Variants in DSCAML1 observed in about 807,000 individuals in gnomAD.
DSCAML1 encodes the protein DS cell adhesion molecule like 1, also known as cell adhesion molecule DSCAML1.
DSCAML1 carries 38 observed loss-of-function variants against 200.5 expected under a neutral mutation model. The ratio of observed to expected loss-of-function variants is 0.19; its 90% CI spans 0.15 to 0.25. The LOEUF (loss-of-function observed/expected upper bound fraction) is 0.25. Ranked by LOEUF, DSCAML1 falls within the 10% of genes least tolerant of loss-of-function variation. The pLI is 1.00. For synonymous variants in DSCAML1, 1,215 were observed against 1,165.0 expected (o/e 1.04, Z -0.87); for missense variants, 2,223 against 2,858.8 (o/e 0.78, Z 5.07).
chr11:117,798,739 C>T (rs764555598), upstream of DSCAML1, among the ~76,000 whole-genome samples: 1 of 152,092 alleles, frequency 6.6e-6, no homozygotes, highest in Non-Finnish European at 1.5e-5. Context: ...TTACTTCACT[C>T]AGCATAATGT....
intron 19 of DSCAML1, among the ~76,000 whole-genome samples, chr11:117,456,567 A>G (rs892707852): frequency 1.3e-5 from 2 of 151,958 alleles, no homozygotes; most frequent in Admixed American, 1.3e-4. Context: ...AGGTTAAGTC[A>G]TATTATGACT....
intron 3 of DSCAML1, among the ~76,000 whole-genome samples, chr11:117,752,058 C>G (rs1009403793): frequency 6.7e-6 from 1 of 149,378 alleles, no homozygotes; most frequent in Non-Finnish European, 1.5e-5. Context: ...GTGTGTGTGT[C>G]ACTTCAATGT....
At chr11:117,796,830 G>T (rs903513214) in intron 1 of DSCAML1, among the ~76,000 whole-genome samples, 5 of 152,120 alleles carry the variant, frequency 3.3e-5, no homozygotes, top group Non-Finnish European at 5.9e-5. Context: ...CGGCAGACGC[G>T]GGTGGCTGGC....
chr11:117,449,558 G>A (rs982059951), intron 20 of DSCAML1, among the ~76,000 whole-genome samples: 5 of 152,180 alleles, frequency 3.3e-5, no homozygotes, highest in African/African-American at 1.2e-4. Context: ...AAGCTTATCT[G>A]CAGATCTCAG....
chr11:117,535,332 C>T (rs532987340), intron 3 of DSCAML1, among the ~76,000 whole-genome samples: 5 of 152,354 alleles, frequency 3.3e-5, no homozygotes, highest in African/African-American at 1.2e-4. Context: ...CCATTGATCC[C>T]GGTTGAGCTA....
intron 3 of DSCAML1, among the ~76,000 whole-genome samples, chr11:117,711,689 CT>C (rs1201674664): frequency 6.6e-6 from 1 of 152,158 alleles, no homozygotes; most frequent in East Asian, 1.9e-4. Context: ...TCTGCCGGTC[CT>C]TTTTTTTCCT....
Position 117,639,419 on chromosome 11 carries a change from A to G in DSCAML1, c.512-106897T>C, listed in dbSNP as rs189303422. Among the ~76,000 whole-genome samples, 340 of 73,150 alleles carry G rather than the reference A, an allele frequency of 4.6e-3. 1 individual carries two copies. The highest frequency in any genetic ancestry group is 0.017 in the African/African-American group (307 of 18,262). The allele number at this position is 73,150 out of a possible 152,430, so 48.0% of individuals were successfully genotyped here. A position where few individuals can be genotyped will look rare whatever the true frequency, so the allele number is the denominator to read the frequency against. ...GGGAGGCTGGATGGGTAGGAGGCTG[A>G]ATGGATGGGAAGCTGGATGGGTGGG... On this transcript the variant is annotated intron_variant, in intron 3 of 32. Coordinates refer to ENST00000651296, the MANE Select transcript of DSCAML1 (RefSeq NM_020693.4).
intron 1 of DSCAML1, among the ~76,000 whole-genome samples, chr11:117,794,164 G>C (rs2134075286): frequency 6.6e-6 from 1 of 152,194 alleles, no homozygotes; most frequent in East Asian, 1.9e-4. Flanking sequence ...GTTGGGGTGG[G>C]AAATGAAAAA....
intron 21 of DSCAML1, among the ~76,000 whole-genome samples, chr11:117,443,364 A>G (rs1292730639): frequency 1.3e-5 from 2 of 152,224 alleles, no homozygotes; most frequent in Non-Finnish European, 2.9e-5. Context: ...GGCACTCCCT[A>G]AGAGGGTCTG....
intron 3 of DSCAML1, among the ~76,000 whole-genome samples, chr11:117,583,002 T>TATTATTATTATTATC (rs2051071311): frequency 6.7e-6 from 1 of 149,542 alleles, no homozygotes; most frequent in Non-Finnish European, 1.5e-5. Context: ...ATATTATTAT[T>TATTATTATTATTATC]ATTATTATTA....
At chr11:117,441,533 C>T (rs2048049092) in intron 21 of DSCAML1, among the ~76,000 whole-genome samples, 1 of 152,046 alleles carries the variant, frequency 6.6e-6, no homozygotes. Flanking sequence ...TGCGGGGCCA[C>T]AGGTGCCCAG....
At chr11:117,471,008 A>G (rs1004791560) in intron 15 of DSCAML1, among the ~76,000 whole-genome samples, 2 of 152,222 alleles carry the variant, frequency 1.3e-5, no homozygotes, top group African/African-American at 4.8e-5. Flanking sequence ...TATCACAAAA[A>G]TCAGGATATT....
chr11:117,479,678 T>C (rs777673489), intron 14 of DSCAML1, among the ~76,000 whole-genome samples: 8 of 152,026 alleles, frequency 5.3e-5, no homozygotes, highest in African/African-American at 9.7e-5. Flanking sequence ...AGACAGAGTC[T>C]CACTCTGTTG....
Position 117,521,227 on chromosome 11 carries a change from G to A in DSCAML1, c.1116C>T (p.Leu372=), listed in dbSNP as rs375008754. The A allele has an allele frequency of 2.5e-5, 40 of 1,614,082 alleles. No homozygotes were observed. Among genetic ancestry groups the A allele is most frequent in the Non-Finnish European group, 3.2e-5 (38 of 1,180,052 alleles). The stretch of plus-strand genomic sequence containing the variant: ...AATGGCTCTTCTGGGCCGAGGTGAT[G>A]AGCAGCGTCTCGTTGCTGAGCCCGC... The part of the protein sequence containing the change: ...SIRGLSNETL[L]ITSAQKSHSG... The change falls in exon 6 of 33, where the codon CTC becomes CTT. Residue 372 remains leucine (L), a synonymous_variant. Coordinates refer to ENST00000651296, the MANE Select transcript of DSCAML1 (RefSeq NM_020693.4).
chr11:117,600,200 C>T (rs2051438186), intron 3 of DSCAML1, among the ~76,000 whole-genome samples: 1 of 152,228 alleles, frequency 6.6e-6, no homozygotes, highest in Admixed American at 6.5e-5. Context: ...CTCACATCTT[C>T]CGTTGCCGGC....
intron 1 of DSCAML1, among the ~76,000 whole-genome samples, chr11:117,793,328 A>T (rs1041574670): frequency 6.6e-6 from 1 of 152,198 alleles, no homozygotes; most frequent in Admixed American, 6.5e-5. Context: ...GAGGTCCCCC[A>T]GAAAACAACT....
At chr11:117,476,783 G>T (rs2048801983) in intron 14 of DSCAML1, among the ~76,000 whole-genome samples, 1 of 152,338 alleles carries the variant, frequency 6.6e-6, no homozygotes, top group South Asian at 2.1e-4. Flanking sequence ...AGAAAGGGCA[G>T]ACTCAGTAAT....
chr11:117,769,125 ATT>A (rs1446859014), intron 3 of DSCAML1, among the ~76,000 whole-genome samples: 1 of 127,230 alleles, frequency 7.9e-6, no homozygotes, highest in Non-Finnish European at 1.6e-5. Flanking sequence ...TTTTATATAT[ATT>A]ATGTATATTA....
At chr11:117,743,099 GAGAGAGA>G (rs1340029476) in intron 3 of DSCAML1, among the ~76,000 whole-genome samples, 3 of 152,186 alleles carry the variant, frequency 2.0e-5, no homozygotes, top group Admixed American at 2.0e-4. Flanking sequence ...TCTGTGCTAG[GAGAGAGA>G]ATACAGAGAA....
Sources: allele counts gnomAD v4.1 joint callset (sites outside exome capture counted in the v4.1 genomes callset), GRCh38; gene constraint gnomAD v4.1.1; transcripts MANE v1.5; gene names NCBI Gene and HGNC (gene_info 2026-07-23, HGNC 2026-07-21).